The following SLCO2B1 variants were observed in gnomAD, a reference collection of about 807,000 sequenced individuals.
SLCO2B1 encodes solute carrier organic anion transporter family member 2B1.
A neutral mutation model predicts 67.3 loss-of-function variants in SLCO2B1; 41 were observed. The ratio of observed to expected loss-of-function variants is 0.61; its 90% CI spans 0.47 to 0.79. SLCO2B1 has a LOEUF of 0.79. SLCO2B1 is among the 30% of genes least tolerant of loss of function. SLCO2B1 has a pLI of 0.00. For missense variants in SLCO2B1, 837 were observed against 920.1 expected, an observed-to-expected ratio of 0.91 and a Z score of 1.17; for synonymous variants, 379 against 381.4, an observed-to-expected ratio of 0.99 and a Z score of 0.07.
At position 75,203,396 on chromosome 11, in the gene SLCO2B1, C is replaced by T. The variant is rs1183686096; in HGVS notation, c.1918C>T (p.Arg640Cys). 1.9e-6 allele frequency: 3 copies of T among 1,614,132 alleles called. No individual in the cohort carries two copies. Among genetic ancestry groups the T allele is most frequent in the African/African-American group, 1.3e-5 (1 of 75,028 alleles). Residue 640 changes from arginine (R) to cysteine (C), a missense_variant, in exon 13 of 14, where the codon CGC becomes TGC. Coordinates refer to ENST00000289575, the MANE Select transcript of SLCO2B1 (RefSeq NM_007256.5). ...ALSCGRRAVC[R>C]YYNNDLLRNR... ...GAGCTGTGGGCGTCGAGCTGTCTGT[C>T]GCTACTACAATAATGACCTGCTCCG...
At chr11:75,192,737 A>G (rs1297422026) in intron 8 of SLCO2B1, among the ~76,000 whole-genome samples, 1 of 152,236 alleles carries the variant, frequency 6.6e-6, no homozygotes, top group African/African-American at 2.4e-5. Context: ...AAAATGAAAC[A>G]GAATTTCAAA....
At chr11:75,166,060 A>C (rs1591813514) in intron 4 of SLCO2B1, 111 bp downstream of exon 4, 3 of 1,276,674 alleles carry the variant, frequency 2.3e-6, no homozygotes, top group Non-Finnish European at 2.1e-6. Context: ...AAACCTCAAC[A>C]CCCCAGGACA....
At chr11:75,166,646 C>CATCT (rs1201147249) in intron 4 of SLCO2B1, among the ~76,000 whole-genome samples, 3 of 152,152 alleles carry the variant, frequency 2.0e-5, no homozygotes, top group African/African-American at 7.2e-5. Context: ...ACTACTCATC[C>CATCT]ATCTATTTAT....
intron 12 of SLCO2B1, 117 bp from the exon 13 acceptor site, chr11:75,203,190 G>A (rs1480024728): frequency 1.4e-6 from 2 of 1,444,322 alleles, no homozygotes; most frequent in Non-Finnish European, 1.9e-6. Context: ...GCGGGCTTGA[G>A]GGCCAGACAG....
rs751353388 is a variant in SLCO2B1, at chr11:75,205,175, G to A, written c.*595G>A. The A allele has an allele frequency of 2.0e-5, 3 of 152,394 alleles. No homozygotes were observed. Among genetic ancestry groups the A allele is most frequent in the East Asian group, 1.9e-4 (1 of 5,202 alleles). 9.4% of individuals were successfully genotyped at this position (152,394 alleles called of 1,614,324 possible). On this transcript the variant is annotated 3_prime_UTR_variant, in exon 14 of 14. Transcript: ENST00000289575. Reference sequence around the variant, plus strand: ...CTGGGTAGACTCCCACAGGGAGGACGGAGCTGGCCTCAGGAGTGGGACACC... The same window carrying A: ...CTGGGTAGACTCCCACAGGGAGGACAGAGCTGGCCTCAGGAGTGGGACACC...
intron 1 of SLCO2B1, among the ~76,000 whole-genome samples, 197 bp downstream of exon 1, chr11:75,151,594 C>A (rs1397343001): frequency 6.6e-6 from 1 of 152,110 alleles, no homozygotes; most frequent in Non-Finnish European, 1.5e-5. Context: ...CAGGAAGGGA[C>A]ACGATTTACT....
At chr11:75,172,676 T>C (rs1055423598) in intron 7 of SLCO2B1, 107 bp downstream of exon 7, 10 of 1,031,376 alleles carry the variant, frequency 9.7e-6, no homozygotes, top group Non-Finnish European at 1.3e-5. Context: ...ACATCTGTAG[T>C]TCCAGCACTT....
Position 75,196,510 on chromosome 11 carries a change from C to G in SLCO2B1, c.1434-4C>G. On this transcript the variant is annotated splice_region_variant and splice_polypyrimidine_tract_variant and intron_variant, in intron 9 of 13. Coordinates refer to ENST00000289575, the MANE Select transcript of SLCO2B1 (RefSeq NM_007256.5). ...CCAACCCTACTGGTCTTCTCTCCCA[C>G]CAGTGCCCACCCTGGGCTGGAGCTG... 6.2e-7 allele frequency: 1 copy of G among 1,612,474 alleles called. No individual in the cohort carries two copies.
At chr11:75,159,158 C>T (rs945638058) in intron 1 of SLCO2B1, among the ~76,000 whole-genome samples, 21 of 152,210 alleles carry the variant, frequency 1.4e-4, no homozygotes, top group African/African-American at 4.1e-4. Context: ...GACAGTAGCC[C>T]GCCGGCTGGC....
intron 11 of SLCO2B1, 103 bp from the exon 12 acceptor site, chr11:75,202,795 GGGT>G: frequency 1.0e-6 from 1 of 957,948 alleles, no homozygotes; most frequent in Non-Finnish European, 1.7e-6. Flanking sequence ...GGCTGGCTCT[GGGT>G]GGTGGGAGAG....
chr11:75,196,772 T>A, intron 10 of SLCO2B1, 93 bp downstream of exon 10: 1 of 1,162,436 alleles, frequency 8.6e-7, no homozygotes, highest in Non-Finnish European at 1.2e-6. Context: ...CTGCATGCTC[T>A]CACTCTGTAG....
chr11:75,177,781 C>T (rs763401674), intron 7 of SLCO2B1, among the ~76,000 whole-genome samples: 1 of 152,138 alleles, frequency 6.6e-6, no homozygotes, highest in African/African-American at 2.4e-5. Context: ...GGGTTGGCCA[C>T]TCCCAGATTC....
Position 75,202,746 on chromosome 11 carries a change from G to A in SLCO2B1, c.1764-155G>A, listed in dbSNP as rs1160294699. 1.9e-5 allele frequency: 13 copies of A among 693,590 alleles called. 1 individual carries two copies. The highest frequency in any genetic ancestry group is 8.4e-5 in the South Asian group (5 of 59,812). The allele number at this position is 693,590 out of a possible 1,614,324, so 43.0% of individuals were successfully genotyped here. ...TGCAGGTTGAAAAAGGATGGGGTAC[G>A]TCCCTGAGCCCCCAGCCTAGATCAT... On this transcript the variant is annotated intron_variant, in intron 11 of 13. Coordinates refer to ENST00000289575, the MANE Select transcript of SLCO2B1 (RefSeq NM_007256.5).
At chr11:75,198,175 C>G (rs1480048767) in intron 10 of SLCO2B1, among the ~76,000 whole-genome samples, 1 of 152,218 alleles carries the variant, frequency 6.6e-6, no homozygotes, top group African/African-American at 2.4e-5. Context: ...CCTGAGAGCC[C>G]TTCCAGAGAC....
chr11:75,200,689 G>A (rs1166990250), intron 11 of SLCO2B1: 8 of 288,512 alleles, frequency 2.8e-5, no homozygotes, highest in African/African-American at 6.5e-5. Flanking sequence ...TTGCCCAGGG[G>A]AGAGGAGGAC....
Position 75,203,029 on chromosome 11 carries a change from G to A in SLCO2B1, c.1828+64G>A. 4.9e-6 allele frequency: 7 copies of A among 1,429,804 alleles called. No individual in the cohort carries two copies. The South Asian group carries it at 8.0e-5, about 16-fold the overall frequency. 88.6% of individuals were successfully genotyped at this position (1,429,804 alleles called of 1,614,324 possible). ...GGTCCAGATGCCCACTGTGTGCCAG[G>A]CCTGGGGCACAGGCATGAGCGGAAT... On this transcript the variant is annotated intron_variant, in intron 12 of 13. Transcript: ENST00000289575.
intron 7 of SLCO2B1, among the ~76,000 whole-genome samples, chr11:75,187,056 G>A (rs746994295): frequency 6.6e-6 from 1 of 152,214 alleles, no homozygotes; most frequent in African/African-American, 2.4e-5. Flanking sequence ...GATTATTATG[G>A]TATCTACTTC....
intron 7 of SLCO2B1, among the ~76,000 whole-genome samples, chr11:75,179,547 G>A (rs1402420465): frequency 2.0e-5 from 3 of 151,804 alleles, no homozygotes; most frequent in African/African-American, 7.3e-5. Flanking sequence ...GAGATATTTT[G>A]AATTGGCATA....
intron 1 of SLCO2B1, among the ~76,000 whole-genome samples, chr11:75,153,002 C>T (rs1405234409): frequency 6.6e-6 from 1 of 152,186 alleles, no homozygotes; most frequent in Admixed American, 6.5e-5. Context: ...AGAGCCCCTC[C>T]ACCCACTCAC....
Sources: gnomAD v4.1 joint callset for allele counts (sites outside exome capture counted in the v4.1 genomes callset) on GRCh38, gnomAD v4.1.1 for gene constraint, MANE v1.5 for transcripts, NCBI Gene and HGNC (gene_info 2026-07-23, HGNC 2026-07-21) for gene names.